Variants in SULF1 observed in about 807,000 individuals in gnomAD.
SULF1 encodes sulfatase 1.
SULF1 carries 46 observed loss-of-function variants against 110.5 expected under a neutral mutation model. That is an observed-to-expected ratio of 0.42 (90% CI 0.33 to 0.53). The LOEUF is 0.53. Ranked by LOEUF, SULF1 falls within the 20% of genes least tolerant of loss-of-function variation. The pLI is 0.12. For missense variants in SULF1, 941 were observed against 1,094.2 expected (o/e 0.86, Z 1.98); for synonymous variants, 371 against 387.1 (o/e 0.96, Z 0.49).
intron 13 of SULF1, among the ~76,000 whole-genome samples, chr8:69,612,705 T>C (rs1244854990): frequency 6.6e-6 from 1 of 152,204 alleles, no homozygotes; most frequent in East Asian, 1.9e-4. Context: ...AATTATTGGC[T>C]TTTTTCTTGC....
At chr8:69,525,490 C>A (rs769650853) in intron 3 of SULF1, among the ~76,000 whole-genome samples, 1 of 151,898 alleles carries the variant, frequency 6.6e-6, no homozygotes, top group Non-Finnish European at 1.5e-5. Context: ...CCAGAGGAAA[C>A]CTTGGTTTGC....
chr8:69,483,326 T>G (rs1007835526), intron 1 of SULF1, among the ~76,000 whole-genome samples: 3 of 152,196 alleles, frequency 2.0e-5, no homozygotes, highest in Non-Finnish European at 4.4e-5. Flanking sequence ...GCAAACTGTT[T>G]TCACTGACCT....
intron 8 of SULF1, among the ~76,000 whole-genome samples, chr8:69,594,738 A>G (rs993679233): frequency 6.6e-6 from 1 of 152,162 alleles, no homozygotes; most frequent in Non-Finnish European, 1.5e-5. Context: ...ATTTGGGCAG[A>G]ACTCATTGCT....
chr8:69,495,230 A>AT (rs1269828775), intron 1 of SULF1, among the ~76,000 whole-genome samples: 1 of 152,110 alleles, frequency 6.6e-6, no homozygotes, highest in Non-Finnish European at 1.5e-5. Flanking sequence ...TAAGCATAAA[A>AT]TTATCATCTG....
At chr8:69,596,851 A>G (rs577066659) in intron 8 of SULF1, among the ~76,000 whole-genome samples, 1 of 152,322 alleles carries the variant, frequency 6.6e-6, no homozygotes, top group African/African-American at 2.4e-5. Context: ...GAGAATGGGT[A>G]TGATATGGTC....
In SULF1 at chr8:69,621,092, C is replaced by T. The variant is rs1809558661; in HGVS notation, c.1435C>T (p.Pro479Ser). Residue 479 changes from proline to serine, a missense_variant, in exon 14 of 23, where the codon CCC becomes TCC. Physicochemically the swap from Pro to Ser is moderately conservative, Grantham distance 74 (BLOSUM62 -1). Coordinates refer to ENST00000402687, the MANE Select transcript of SULF1 (RefSeq NM_001128205.2). Reference sequence around the variant, plus strand: ...GCTTCGAATTCACAAGTGTAAAGGACCCAGTGACCTGCTCACAGTCCGGCA... The same window carrying T: ...GCTTCGAATTCACAAGTGTAAAGGATCCAGTGACCTGCTCACAGTCCGGCA... ...GKLRIHKCKGPSDLLTVRQST... is the reference protein window; with the variant it reads ...GKLRIHKCKGSSDLLTVRQST... 2 of 1,613,994 alleles carry T rather than the reference C, an allele frequency of 1.2e-6. No homozygotes were observed. The highest frequency in any genetic ancestry group is 1.6e-4 in the Middle Eastern group (1 of 6,062).
At chr8:69,511,148 C>T (rs142787067) in intron 3 of SULF1, among the ~76,000 whole-genome samples, 107 of 152,312 alleles carry the variant, frequency 7.0e-4, no homozygotes, top group African/African-American at 2.4e-3. Context: ...CATTTGCACA[C>T]TTGTGACACT....
At chr8:69,615,383 T>C (rs981215591) in intron 13 of SULF1, among the ~76,000 whole-genome samples, 1 of 152,236 alleles carries the variant, frequency 6.6e-6, no homozygotes, top group African/African-American at 2.4e-5. Context: ...AGTTCTAAAA[T>C]GGCTGTGGCA....
At chr8:69,641,912 G>A (rs1297321765) in intron 22 of SULF1, among the ~76,000 whole-genome samples, 1 of 152,052 alleles carries the variant, frequency 6.6e-6, no homozygotes, top group African/African-American at 2.4e-5. Flanking sequence ...GCTCCTGATG[G>A]CCGTGTCACT....
intron 1 of SULF1, among the ~76,000 whole-genome samples, chr8:69,475,210 C>A (rs532858806): frequency 6.6e-6 from 1 of 152,190 alleles, no homozygotes; most frequent in Admixed American, 6.5e-5. Context: ...ATAGCTAAGT[C>A]AGGCCAGATT....
At chr8:69,469,811 G>A (rs946830320) in intron 1 of SULF1, among the ~76,000 whole-genome samples, 1 of 152,218 alleles carries the variant, frequency 6.6e-6, no homozygotes, top group Admixed American at 6.5e-5. Context: ...GGAGGCCGAG[G>A]CGGGTGGATC....
chr8:69,508,758 C>T (rs115426181), intron 3 of SULF1, among the ~76,000 whole-genome samples: 3 of 152,044 alleles, frequency 2.0e-5, no homozygotes, highest in Non-Finnish European at 2.9e-5. Context: ...AGTATAAATA[C>T]CCCAGGAGAT....
chr8:69,512,268 G>A (rs190915499), intron 3 of SULF1, among the ~76,000 whole-genome samples: 1 of 152,242 alleles, frequency 6.6e-6, no homozygotes, highest in Admixed American at 6.5e-5. Context: ...CAAAGGGAGA[G>A]TAGAAAAAGT....
At chr8:69,560,131 G>A (rs1815383033) in intron 3 of SULF1, among the ~76,000 whole-genome samples, 1 of 152,130 alleles carries the variant, frequency 6.6e-6, no homozygotes, top group African/African-American at 2.4e-5. Context: ...CATTGCTGCT[G>A]TGGACAAAAG....
rs1809547539 is a variant in SULF1 at position 69,620,952 on chromosome 8, A to G, written c.1378-83A>G. 4.0e-6 allele frequency: 5 copies of G among 1,253,970 alleles called. No homozygotes were observed. In the East Asian group the frequency reaches 9.5e-5, roughly 24 times the overall value. The allele number at this position is 1,253,970 out of a possible 1,614,324, so 77.7% of individuals were successfully genotyped here. ...TGCCAGTGCTTCTAAAAAAAAGAAAAAAGAAAAAAACTAAGGCAGCAGCTC... is the reference window on the plus strand; with the variant it reads ...TGCCAGTGCTTCTAAAAAAAAGAAAGAAGAAAAAAACTAAGGCAGCAGCTC... On this transcript the variant is annotated intron_variant, in intron 13 of 22. Transcript: ENST00000402687.
chr8:69,627,232 T>A lies in SULF1; in HGVS notation c.1873T>A (p.Ser625Thr), dbSNP rs752905979. 4 of 1,614,150 alleles carry A rather than the reference T, an allele frequency of 2.5e-6. No homozygotes were observed. In the South Asian group the frequency reaches 4.4e-5, roughly 18 times the overall value. ...CAGGTGTTTTATTCTTCCCAATGAC[T>A]CTATCCATTGTGAGAGAGAACTGTA... Reference protein sequence around the residue: ...THKCFILPNDSIHCERELYQS... With the variant: ...THKCFILPNDTIHCERELYQS... Residue 625 changes from serine to threonine, a missense_variant, in exon 16 of 23, where the codon TCT becomes ACT. By Grantham distance (58) the Ser-to-Thr change is moderately conservative. This residue lies in a region of SULF1 where 822 missense variants were observed against 934.3 expected (regional missense o/e 0.88). Coordinates refer to ENST00000402687, the MANE Select transcript of SULF1 (RefSeq NM_001128205.2).
At chr8:69,562,339 G>T (rs914056458) in intron 3 of SULF1, among the ~76,000 whole-genome samples, 1 of 152,230 alleles carries the variant, frequency 6.6e-6, no homozygotes, top group Non-Finnish European at 1.5e-5. Context: ...AGGGCATGAA[G>T]TTGAGAGATG....
chr8:69,635,198 TAC>T (rs1810889284), intron 19 of SULF1, among the ~76,000 whole-genome samples: 1 of 152,246 alleles, frequency 6.6e-6, no homozygotes, highest in Non-Finnish European at 1.5e-5. Flanking sequence ...GCAGTGAAAC[TAC>T]TCTATGTGAT....
chr8:69,516,335 A>G (rs558056573), intron 3 of SULF1, among the ~76,000 whole-genome samples: 1 of 152,214 alleles, frequency 6.6e-6, no homozygotes, highest in East Asian at 1.9e-4. Context: ...GCATTGTCCT[A>G]CATTGCTGAA....
Sources: allele counts gnomAD v4.1 joint callset (sites outside exome capture counted in the v4.1 genomes callset), GRCh38; gene constraint gnomAD v4.1.1; regional missense constraint gnomAD v4.1.1; transcripts MANE v1.5; gene names NCBI Gene and HGNC (gene_info 2026-07-23, HGNC 2026-07-21).